The following GSK3B variants were observed in gnomAD, a reference collection of about 807,000 sequenced individuals.
GSK3B encodes the protein glycogen synthase kinase 3 beta.
Under a neutral mutation model 56.4 loss-of-function variants are expected in GSK3B, and 15 were observed. The observed-to-expected ratio is 0.27, with a 90% CI of 0.18 to 0.41. The LOEUF (loss-of-function observed/expected upper bound fraction) is 0.41, where lower values mean the gene tolerates loss of function less well. Among genes scored for constraint, GSK3B ranks in the 10% least tolerant of loss-of-function variants. The pLI is 1.00. For synonymous variants in GSK3B, 181 were observed against 188.9 expected (o/e 0.96, Z 0.34); for missense variants, 300 against 513.4 (o/e 0.58, Z 4.02).
intron 7 of GSK3B, among the ~76,000 whole-genome samples, chr3:119,883,203 C>T (rs967324985): frequency 2.6e-5 from 4 of 151,988 alleles, no homozygotes; most frequent in African/African-American, 9.7e-5. Flanking sequence ...CCAGGTTCTC[C>T]TTAGGGTGGC....
At chr3:119,872,924 C>T (rs76744972) in intron 8 of GSK3B, among the ~76,000 whole-genome samples, 2,294 of 152,208 alleles carry the variant, frequency 0.015, 57 homozygotes, top group African/African-American at 0.051. Context: ...TAAATTTCTT[C>T]TCTTCTTCCA....
intron 2 of GSK3B, among the ~76,000 whole-genome samples, chr3:119,997,617 G>T (rs1209908038): frequency 2.0e-5 from 3 of 151,954 alleles, no homozygotes; most frequent in Non-Finnish European, 4.4e-5. Context: ...GTTTTGTTGG[G>T]GTTGCAGGAG....
At chr3:119,840,091 ACT>A (rs1242035721) in intron 10 of GSK3B, among the ~76,000 whole-genome samples, 3 of 151,958 alleles carry the variant, frequency 2.0e-5, no homozygotes, top group African/African-American at 7.3e-5. Flanking sequence ...GCAGTCCCTC[ACT>A]CTGTCTGTGT....
At chr3:119,999,149 A>T (rs143813272) in intron 2 of GSK3B, among the ~76,000 whole-genome samples, 1 of 152,252 alleles carries the variant, frequency 6.6e-6, no homozygotes, top group Non-Finnish European at 1.5e-5. Context: ...CAACCATTAG[A>T]GAATGAAATA....
chr3:119,909,207 C>T (rs530825458), intron 6 of GSK3B, among the ~76,000 whole-genome samples: 1 of 152,058 alleles, frequency 6.6e-6, no homozygotes, highest in East Asian at 1.9e-4. Flanking sequence ...GACAGGTTTT[C>T]ACCATGTTGC....
intron 10 of GSK3B, among the ~76,000 whole-genome samples, chr3:119,836,925 A>C (rs2055699795): frequency 6.6e-6 from 1 of 152,220 alleles, no homozygotes; most frequent in Non-Finnish European, 1.5e-5. Flanking sequence ...CATGTTTGTG[A>C]AATGTACAGA....
chr3:119,888,722 G>C (rs1041027314), intron 7 of GSK3B, among the ~76,000 whole-genome samples: 3 of 152,238 alleles, frequency 2.0e-5, no homozygotes, highest in South Asian at 2.1e-4. Flanking sequence ...TTCTTGCAGA[G>C]AGCCTATAAA....
At chr3:120,068,530 G>A (rs1179428846) in intron 1 of GSK3B, among the ~76,000 whole-genome samples, 2 of 151,350 alleles carry the variant, frequency 1.3e-5, no homozygotes, top group African/African-American at 4.9e-5. Flanking sequence ...GTGAAACCCC[G>A]TCCCTACTAA....
chr3:120,062,744 A>G (rs184961057), intron 1 of GSK3B, among the ~76,000 whole-genome samples: 100 of 152,336 alleles, frequency 6.6e-4, no homozygotes, highest in African/African-American at 2.3e-3. Flanking sequence ...TGGAACTTAC[A>G]TTCAACTCTG....
At chr3:119,837,866 A>AATATAT (rs1256468610) in intron 10 of GSK3B, among the ~76,000 whole-genome samples, 2 of 147,786 alleles carry the variant, frequency 1.4e-5, no homozygotes, top group African/African-American at 2.5e-5. Context: ...AGACATATAT[A>AATATAT]ATATATATTT....
chr3:119,984,509 G>T (rs141283225), intron 2 of GSK3B, among the ~76,000 whole-genome samples: 3 of 151,726 alleles, frequency 2.0e-5, no homozygotes, highest in Admixed American at 6.6e-5. Flanking sequence ...TCAAATATAC[G>T]CAATAAAAAA....
At chr3:119,928,612 TAAAAAAA>T (rs1160252679) in intron 3 of GSK3B, among the ~76,000 whole-genome samples, 2 of 67,056 alleles carry the variant, frequency 3.0e-5, no homozygotes, top group African/African-American at 4.7e-5. Flanking sequence ...ATCAAAAAAA[TAAAAAAA>T]AAAAAAAAAA....
In GSK3B at chr3:120,063,038, C is replaced by A. The variant is rs2058250970; in HGVS notation, c.88+30309G>T. ...TTATTTATATTCAGGACTCTTTTCT[C>A]ATTAGCCAAACTTAAAAGGTTAACT... On this transcript the variant is annotated intron_variant, in intron 1 of 10. Coordinates refer to ENST00000264235, the MANE Select transcript of GSK3B (RefSeq NM_001146156.2). 3.3e-5 allele frequency among the ~76,000 whole-genome samples: 5 copies of A among 152,140 alleles called. No homozygotes were observed. The South Asian group carries it at 1.0e-3, about 31-fold the overall frequency.
At chr3:120,035,717 T>C (rs1351224669) in intron 1 of GSK3B, among the ~76,000 whole-genome samples, 1 of 152,156 alleles carries the variant, frequency 6.6e-6, no homozygotes, top group Non-Finnish European at 1.5e-5. Context: ...TATTCATAAG[T>C]ATTTTGTTCC....
At chr3:119,929,059 G>GTGA (rs1244345968) in intron 3 of GSK3B, among the ~76,000 whole-genome samples, 2 of 152,178 alleles carry the variant, frequency 1.3e-5, no homozygotes, top group Admixed American at 6.5e-5. Flanking sequence ...TGAGTTATGT[G>GTGA]TGATGATCCT....
In GSK3B at chr3:120,002,259, T is replaced by C. The variant is rs1265763385; in HGVS notation, c.89-20A>G. 1 of 1,477,790 alleles carries C rather than the reference T, an allele frequency of 6.8e-7. No individual in the cohort carries two copies. The highest frequency in any genetic ancestry group is 2.4e-5 in the Admixed American group (1 of 41,468). The allele number at this position is 1,477,790 out of a possible 1,614,324, so 91.5% of individuals were successfully genotyped here. On this transcript the variant is annotated intron_variant, in intron 1 of 10. Transcript: ENST00000264235. The stretch of plus-strand genomic sequence containing the variant: ...TGTCTCCTAAAGGAAGAAAGGAAAT[T>C]TTTTTTTCACGAGAACTGTAAGGAA...
In GSK3B at chr3:119,964,970, A is replaced by G. The variant is rs775894728; in HGVS notation, c.283-17619T>C. On this transcript the variant is annotated intron_variant, in intron 2 of 10. Transcript: ENST00000264235. ...CTAGGGAAGGCCGATCTAAAAGCTC[A>G]TTTTTAACACAGCAAACAAATCAAA... 7.9e-5 allele frequency among the ~76,000 whole-genome samples: 12 copies of G among 151,800 alleles called. 1 individual carries two copies. The highest frequency in any genetic ancestry group is 2.4e-5 in the African/African-American group (1 of 41,336).
At position 120,093,554 on chromosome 3, in the gene GSK3B, A is replaced by C. The variant is rs202142326; in HGVS notation, c.-120T>G. The stretch of plus-strand genomic sequence containing the variant: ...TAAGTTCTCCCACAGAAGAAAAAGA[A>C]AAAGACTTCGTCCTCTTGGCTTTTC... On this transcript the variant is annotated 5_prime_UTR_variant, in exon 1 of 11. Coordinates refer to ENST00000264235, the MANE Select transcript of GSK3B (RefSeq NM_001146156.2). The C allele has an allele frequency of 6.0e-6, 4 of 666,048 alleles. No homozygotes were observed. Among genetic ancestry groups the C allele is most frequent in the Non-Finnish European group, 8.0e-6 (3 of 373,478 alleles). The allele number at this position is 666,048 out of a possible 1,614,324, so 41.3% of individuals were successfully genotyped here. A position where few individuals can be genotyped will look rare whatever the true frequency, so the allele number is the denominator to read the frequency against.
At position 119,966,846 on chromosome 3, in the gene GSK3B, C is replaced by T. The variant is rs563327773; in HGVS notation, c.283-19495G>A. On this transcript the variant is annotated intron_variant, in intron 2 of 10. Coordinates refer to ENST00000264235, the MANE Select transcript of GSK3B (RefSeq NM_001146156.2). ...AATAATGAAGTACTAGCAAAGAACA[C>T]ACTGCAAAAGAACTTAAGAGGAAAA... Among the ~76,000 whole-genome samples the T allele has an allele frequency of 5.3e-5, 8 of 151,878 alleles. No homozygotes were observed. The South Asian group carries it at 1.7e-3, about 32-fold the overall frequency.
Sources: allele counts gnomAD v4.1 joint callset (sites outside exome capture counted in the v4.1 genomes callset), GRCh38; gene constraint gnomAD v4.1.1; transcripts MANE v1.5; gene names NCBI Gene and HGNC (gene_info 2026-07-23, HGNC 2026-07-21).